KCNH7: variants seen among roughly 807,000 people sequenced by gnomAD.
KCNH7 encodes potassium voltage-gated channel subfamily H member 7, also known as voltage-gated inwardly rectifying potassium channel KCNH7.
Under a neutral mutation model 120.8 loss-of-function variants are expected in KCNH7, and 49 were observed. That is an observed-to-expected ratio of 0.41 (90% CI 0.32 to 0.51). The LOEUF is 0.51. Ranked by LOEUF, KCNH7 falls within the 20% of genes least tolerant of loss-of-function variation. The probability of loss-of-function intolerance (pLI) is 0.38; values close to 1 mark genes in which losing one functional copy is unlikely to be tolerated. For missense variants in KCNH7, 1,097 were observed against 1,446.6 expected, an observed-to-expected ratio of 0.76 and a Z score of 3.92; for synonymous variants, 547 against 516.1, an observed-to-expected ratio of 1.06 and a Z score of -0.81.
chr2:162,742,267 C>T (rs1174825835), intron 2 of KCNH7, among the ~76,000 whole-genome samples: 1 of 152,084 alleles, frequency 6.6e-6, no homozygotes, highest in East Asian at 1.9e-4. Context: ...TTTAATTTAT[C>T]TTTTAATTTA....
chr2:162,745,132 A>G (rs1016482921), intron 2 of KCNH7, among the ~76,000 whole-genome samples: 5 of 152,318 alleles, frequency 3.3e-5, no homozygotes, highest in African/African-American at 1.2e-4. Context: ...CCTTATATTA[A>G]TCCTTGACTT....
chr2:162,615,178 A>C (rs1010553287), intron 2 of KCNH7, among the ~76,000 whole-genome samples: 2 of 152,148 alleles, frequency 1.3e-5, no homozygotes, highest in African/African-American at 4.8e-5. Flanking sequence ...CCTCTGCACG[A>C]AGTGTTTTCT....
At chr2:162,784,134 T>C (rs1277809720) in intron 2 of KCNH7, among the ~76,000 whole-genome samples, 1 of 152,170 alleles carries the variant, frequency 6.6e-6, no homozygotes, top group African/African-American at 2.4e-5. Flanking sequence ...AGACTGCCTG[T>C]AGAAGAGCAG....
chr2:162,449,979 T>C (rs1688711729), intron 6 of KCNH7, among the ~76,000 whole-genome samples: 1 of 152,104 alleles, frequency 6.6e-6, no homozygotes, highest in African/African-American at 2.4e-5. Context: ...AATTTGACTA[T>C]TGTGTATGGC....
chr2:162,492,953 A>G (rs942083405), intron 6 of KCNH7, among the ~76,000 whole-genome samples: 1 of 130,292 alleles, frequency 7.7e-6, no homozygotes, highest in African/African-American at 2.9e-5. Flanking sequence ...TGCCACTCTT[A>G]ATGCACAAGT....
rs565919988 is a variant in KCNH7 at position 162,499,705 on chromosome 2, G to A, written c.1128+4738C>T. Among the ~76,000 whole-genome samples, 4 of 152,070 alleles carry A rather than the reference G, an allele frequency of 2.6e-5. No homozygotes were observed. The East Asian group carries it at 7.8e-4, about 30-fold the overall frequency. On this transcript the variant is annotated intron_variant, in intron 6 of 15. Coordinates refer to ENST00000332142, the MANE Select transcript of KCNH7 (RefSeq NM_033272.4). ...CAGACTTACTCTTGCTTAATCCCACGCAATACCCTCAGTGGTTCATTTGAA... is the reference window on the plus strand; with the variant it reads ...CAGACTTACTCTTGCTTAATCCCACACAATACCCTCAGTGGTTCATTTGAA...
intron 12 of KCNH7, among the ~76,000 whole-genome samples, chr2:162,388,113 G>A (rs1686629933): frequency 6.6e-6 from 1 of 151,552 alleles, no homozygotes; most frequent in East Asian, 1.9e-4. Flanking sequence ...ACATACTTTA[G>A]GCCTCCTATA....
chr2:162,493,753 G>T (rs1431129433), intron 6 of KCNH7, among the ~76,000 whole-genome samples: 1 of 152,166 alleles, frequency 6.6e-6, no homozygotes, highest in East Asian at 1.9e-4. Flanking sequence ...TTATATACAA[G>T]CTGTGTAAGG....
intron 2 of KCNH7, among the ~76,000 whole-genome samples, chr2:162,807,765 C>T (rs1684601649): frequency 6.6e-6 from 1 of 151,636 alleles, no homozygotes; most frequent in South Asian, 2.1e-4. Context: ...TCACTGCAAC[C>T]TCCGCCTCCC....
At chr2:162,762,306 T>A (rs1054816942) in intron 2 of KCNH7, among the ~76,000 whole-genome samples, 1 of 151,932 alleles carries the variant, frequency 6.6e-6, no homozygotes, top group African/African-American at 2.4e-5. Context: ...TATATATATA[T>A]ACATATAGGC....
chr2:162,497,523 T>G (rs1424798037), intron 6 of KCNH7, among the ~76,000 whole-genome samples: 1 of 152,134 alleles, frequency 6.6e-6, no homozygotes, highest in Non-Finnish European at 1.5e-5. Context: ...CAGTCAAATG[T>G]TACAAGTATG....
intron 2 of KCNH7, among the ~76,000 whole-genome samples, chr2:162,584,040 T>C (rs992854744): frequency 2.0e-5 from 3 of 152,132 alleles, no homozygotes; most frequent in Admixed American, 6.6e-5. Context: ...AATATATAGA[T>C]AAAAGCTGTA....
intron 2 of KCNH7, among the ~76,000 whole-genome samples, chr2:162,658,375 A>G (rs1684845435): frequency 6.6e-6 from 1 of 152,038 alleles, no homozygotes; most frequent in Admixed American, 6.6e-5. Flanking sequence ...TGTCAATATC[A>G]CAGTCTTGAT....
chr2:162,546,857 A>C (rs1237521446), intron 2 of KCNH7, among the ~76,000 whole-genome samples: 4 of 152,116 alleles, frequency 2.6e-5, no homozygotes, highest in Non-Finnish European at 5.9e-5. Flanking sequence ...TTTATTTAAA[A>C]AAAAAAGAGT....
intron 2 of KCNH7, among the ~76,000 whole-genome samples, chr2:162,548,328 T>A (rs546673844): frequency 1.4e-4 from 22 of 152,344 alleles, no homozygotes; most frequent in African/African-American, 5.3e-4. Flanking sequence ...CTGCAGCAGA[T>A]ACCTGATGGC....
At chr2:162,772,622 A>G (rs1292539305) in intron 2 of KCNH7, among the ~76,000 whole-genome samples, 4 of 152,196 alleles carry the variant, frequency 2.6e-5, no homozygotes. Flanking sequence ...TATATTTGGA[A>G]ACACATCAAT....
chr2:162,511,690 C>G (rs1691081508), intron 5 of KCNH7, among the ~76,000 whole-genome samples: 1 of 151,606 alleles, frequency 6.6e-6, no homozygotes, highest in South Asian at 2.1e-4. Context: ...ATAACCATCA[C>G]CAGCTCTGAA....
At chr2:162,762,397 C>A (rs1055950066) in intron 2 of KCNH7, among the ~76,000 whole-genome samples, 1 of 147,486 alleles carries the variant, frequency 6.8e-6, no homozygotes, top group African/African-American at 2.5e-5. Flanking sequence ...AACACTGGGA[C>A]AGGGAGGGTG....
chr2:162,746,400 T>C (rs1167808189), intron 2 of KCNH7, among the ~76,000 whole-genome samples: 2 of 152,166 alleles, frequency 1.3e-5, no homozygotes, highest in African/African-American at 4.8e-5. Context: ...TCAGAAAGTA[T>C]TTTTATCTTT....
Sources: allele counts gnomAD v4.1 joint callset (sites outside exome capture counted in the v4.1 genomes callset), GRCh38; gene constraint gnomAD v4.1.1; transcripts MANE v1.5; gene names NCBI Gene and HGNC (gene_info 2026-07-23, HGNC 2026-07-21).